Variants in HORMAD2 observed in about 807,000 individuals in gnomAD.
HORMAD2 encodes the protein HORMA domain containing 2.
Under a neutral mutation model 38.8 loss-of-function variants are expected in HORMAD2, and 45 were observed. That is an observed-to-expected ratio of 1.16 (90% confidence interval 0.91 to 1.49). The LOEUF is 1.49. Ranked by LOEUF, HORMAD2 falls within the 40% of genes most tolerant of loss-of-function variation. The pLI is 0.00. For missense variants in HORMAD2, 338 were observed against 367.0 expected (o/e 0.92, Z 0.65); for synonymous variants, 126 against 122.8 (o/e 1.03, Z -0.17).
chr22:30,167,202 C>T (rs986416063), intron 10 of HORMAD2, among the ~76,000 whole-genome samples: 2 of 152,194 alleles, frequency 1.3e-5, no homozygotes, highest in Non-Finnish European at 1.5e-5. Flanking sequence ...TCTGTGTTCA[C>T]ATCTCCCATT....
chr22:30,181,669 G>A (rs73164749), downstream of HORMAD2, among the ~76,000 whole-genome samples: 9,724 of 152,296 alleles, frequency 0.064, 379 homozygotes, highest in Middle Eastern at 0.11. Flanking sequence ...GTCATAAAAT[G>A]CAGGTAACCA....
intron 10 of HORMAD2, among the ~76,000 whole-genome samples, chr22:30,157,778 C>T (rs11912236): frequency 4.6e-5 from 7 of 152,114 alleles, no homozygotes; most frequent in African/African-American, 1.7e-4. Flanking sequence ...TGTAATTTCA[C>T]TTGTCACTCA....
chr22:30,114,865 AC>A (rs1432114117), intron 7 of HORMAD2, among the ~76,000 whole-genome samples: 1 of 152,226 alleles, frequency 6.6e-6, no homozygotes, highest in African/African-American at 2.4e-5. Context: ...GAGATGACCA[AC>A]GAAAGTAACT....
intron 10 of HORMAD2, among the ~76,000 whole-genome samples, chr22:30,151,213 G>GTTCT (rs1202644505): frequency 2.0e-5 from 3 of 152,030 alleles, no homozygotes; most frequent in African/African-American, 7.3e-5. Context: ...CTTTTCGCTT[G>GTTCT]TTCTTTCTTT....
chr22:30,101,663 A>G (rs1485908162), intron 3 of HORMAD2, among the ~76,000 whole-genome samples: 1 of 152,098 alleles, frequency 6.6e-6, no homozygotes, highest in Non-Finnish European at 1.5e-5. Context: ...GAAAATAAAC[A>G]TAGAGAGCTA....
At chr22:30,127,250 C>T (rs1346848402) in intron 10 of HORMAD2, among the ~76,000 whole-genome samples, 1 of 139,448 alleles carries the variant, frequency 7.2e-6, no homozygotes, top group Non-Finnish European at 1.5e-5. Context: ...GCTCTGTCGC[C>T]CAGGCTGGAG....
chr22:30,190,730 C>G, the HORMAD2 span, among the ~76,000 whole-genome samples: 1 of 152,362 alleles, frequency 6.6e-6, no homozygotes, highest in Admixed American at 6.5e-5. Flanking sequence ...AGATTGGAAA[C>G]TTTAATGTGG....
At chr22:30,090,797 GT>G (rs1445281826) in intron 1 of HORMAD2, among the ~76,000 whole-genome samples, 3 of 152,086 alleles carry the variant, frequency 2.0e-5, no homozygotes, top group African/African-American at 7.2e-5. Flanking sequence ...TTTGATACAT[GT>G]ATACAATATG....
At chr22:30,122,715 T>C (rs1405063361) in intron 10 of HORMAD2, among the ~76,000 whole-genome samples, 1 of 152,094 alleles carries the variant, frequency 6.6e-6, no homozygotes, top group Non-Finnish European at 1.5e-5. Flanking sequence ...CTGGGGAAAG[T>C]CAGGGGGTTG....
intron 10 of HORMAD2, among the ~76,000 whole-genome samples, chr22:30,154,173 C>T (rs974681630): frequency 3.9e-5 from 6 of 152,122 alleles, no homozygotes; most frequent in African/African-American, 1.4e-4. Flanking sequence ...TGACACCTCA[C>T]TTACACATGG....
At chr22:30,166,500 TAGAC>T (rs779928016) in intron 10 of HORMAD2, among the ~76,000 whole-genome samples, 2 of 152,358 alleles carry the variant, frequency 1.3e-5, no homozygotes, top group East Asian at 3.9e-4. Context: ...GCTATCATAT[TAGAC>T]AGTACGGCTT....
the HORMAD2 span, among the ~76,000 whole-genome samples, chr22:30,187,501 T>TTGTGTGTGTGTG: frequency 4.7e-5 from 7 of 147,652 alleles, no homozygotes; most frequent in South Asian, 2.2e-4. Context: ...TATATTTCCT[T>TTGTGTGTGTGTG]TGTGTGTGTG....
chr22:30,111,526 A>G (rs1326175169), intron 5 of HORMAD2, among the ~76,000 whole-genome samples: 1 of 152,110 alleles, frequency 6.6e-6, no homozygotes, highest in Non-Finnish European at 1.5e-5. Context: ...TGTAGATGTG[A>G]AACCCAGATA....
At chr22:30,121,824 G>A (rs1922462705) in intron 9 of HORMAD2, 35 bp downstream of exon 9, 1 of 1,583,832 alleles carries the variant, frequency 6.3e-7, no homozygotes. Flanking sequence ...TCCTCCTTAA[G>A]TGCTGAGCTA....
chr22:30,089,473 C>T (rs1297480281), intron 1 of HORMAD2, among the ~76,000 whole-genome samples: 1 of 151,936 alleles, frequency 6.6e-6, no homozygotes, highest in East Asian at 1.9e-4. Context: ...CTGCCTCAGC[C>T]TCCTGAGTAG....
intron 10 of HORMAD2, among the ~76,000 whole-genome samples, chr22:30,133,949 A>T (rs771543266): frequency 6.6e-6 from 1 of 152,154 alleles, no homozygotes; most frequent in Non-Finnish European, 1.5e-5. Context: ...TGTATACTTT[A>T]TGAGCCACTA....
chr22:30,179,279 G>A (rs944210797), downstream of HORMAD2, among the ~76,000 whole-genome samples: 2 of 152,086 alleles, frequency 1.3e-5, no homozygotes, highest in Admixed American at 6.5e-5. Context: ...GTTAAGTCAA[G>A]GTCTGCTACA....
At chr22:30,174,118 G>T (rs763198058) in intron 10 of HORMAD2, among the ~76,000 whole-genome samples, 1 of 152,134 alleles carries the variant, frequency 6.6e-6, no homozygotes, top group Admixed American at 6.5e-5. Flanking sequence ...TCATAGTAGC[G>T]TCTTGTTAGT....
the HORMAD2 span, among the ~76,000 whole-genome samples, chr22:30,192,490 A>G: frequency 6.6e-6 from 1 of 152,202 alleles, no homozygotes; most frequent in Non-Finnish European, 1.5e-5. Context: ...CAGGATTTCC[A>G]GAAAGGAAAT....
Sources: gnomAD v4.1 joint callset for allele counts (sites outside exome capture counted in the v4.1 genomes callset) on GRCh38, gnomAD v4.1.1 for gene constraint, MANE v1.5 for transcripts, NCBI Gene and HGNC (gene_info 2026-07-23, HGNC 2026-07-21) for gene names.